DTNA: variants seen among roughly 807,000 people sequenced by gnomAD.
The protein encoded by DTNA is dystrophin-related protein 3.
Under a neutral mutation model 100.7 loss-of-function variants are expected in DTNA, and 43 were observed. The observed-to-expected ratio is 0.43, with a 90% CI of 0.33 to 0.55. The LOEUF (loss-of-function observed/expected upper bound fraction) is 0.55. Ranked by LOEUF, DTNA falls within the 20% of genes least tolerant of loss-of-function variation. DTNA has a pLI of 0.04. For synonymous variants in DTNA, 349 were observed against 347.9 expected (o/e 1.00, Z -0.04); for missense variants, 798 against 953.9 (o/e 0.84, Z 2.15).
At chr18:34,659,656 A>G (rs186772164) in intron 1 of DTNA, among the ~76,000 whole-genome samples, 2 of 151,364 alleles carry the variant, frequency 1.3e-5, no homozygotes, top group African/African-American at 4.9e-5. Context: ...ACACACACAC[A>G]CTCATTTAAC....
chr18:34,501,267 C>G (rs963675091), intron 1 of DTNA, among the ~76,000 whole-genome samples: 6 of 152,158 alleles, frequency 3.9e-5, no homozygotes, highest in African/African-American at 1.4e-4. Flanking sequence ...GTACATTGAT[C>G]AATTTTTAAC....
chr18:34,555,198 A>G (rs1250107074), intron 1 of DTNA, among the ~76,000 whole-genome samples: 3 of 139,912 alleles, frequency 2.1e-5, no homozygotes, highest in Non-Finnish European at 4.6e-5. Context: ...GGTAGTTTGT[A>G]TTTCTGTGGG....
intron 1 of DTNA, among the ~76,000 whole-genome samples, chr18:34,584,659 A>G (rs1260991206): frequency 6.6e-6 from 1 of 152,186 alleles, no homozygotes; most frequent in Admixed American, 6.5e-5. Context: ...AAAGTACATA[A>G]CAAAATTTCC....
chr18:34,868,304 A>C (rs2096729744), intron 17 of DTNA: 1 of 274,130 alleles, frequency 3.6e-6, no homozygotes, highest in Non-Finnish European at 5.6e-6. Flanking sequence ...AAAGGAAAAA[A>C]AGCAGTCATA....
At chr18:34,860,192 G>T (rs989224970) in intron 16 of DTNA, among the ~76,000 whole-genome samples, 1 of 149,574 alleles carries the variant, frequency 6.7e-6, no homozygotes, top group African/African-American at 2.5e-5. Flanking sequence ...GATTACAGGC[G>T]CGTGCCACCA....
At chr18:34,718,143 G>GT (rs1464675090) in intron 1 of DTNA, among the ~76,000 whole-genome samples, 2 of 152,070 alleles carry the variant, frequency 1.3e-5, no homozygotes, top group Non-Finnish European at 2.9e-5. Context: ...GAAACTGAGC[G>GT]TATCTTACAA....
chr18:34,589,114 G>A (rs1316336700), intron 1 of DTNA, among the ~76,000 whole-genome samples: 2 of 151,820 alleles, frequency 1.3e-5, no homozygotes, highest in African/African-American at 4.8e-5. Context: ...TATATAACAG[G>A]TGTCCATTTC....
intron 1 of DTNA, among the ~76,000 whole-genome samples, chr18:34,533,780 T>C (rs1442207252): frequency 6.6e-6 from 1 of 152,148 alleles, no homozygotes; most frequent in Non-Finnish European, 1.5e-5. Flanking sequence ...TATCCTGTTC[T>C]GGACACTATT....
chr18:34,829,849 T>C (rs968964517), intron 11 of DTNA, among the ~76,000 whole-genome samples: 66 of 152,208 alleles, frequency 4.3e-4, no homozygotes, highest in Non-Finnish European at 7.4e-5. Context: ...TGGAAAGATC[T>C]TTAGCATTAA....
chr18:34,816,124 C>G lies in DTNA; in HGVS notation c.709+110C>G, dbSNP rs548666699. On this transcript the variant is annotated intron_variant, in intron 7 of 22. Transcript: ENST00000444659. Reference sequence around the variant, plus strand: ...TGTTTTAGGGAAGCCTATTTAGTGGCTCTTAGTTTTGTTTAGGGTAGAACT... The same window carrying G: ...TGTTTTAGGGAAGCCTATTTAGTGGGTCTTAGTTTTGTTTAGGGTAGAACT... The G allele has an allele frequency of 4.4e-6, 5 of 1,126,596 alleles. No individual in the cohort carries two copies. The East Asian group carries it at 9.6e-5, about 22-fold the overall frequency. 69.8% of individuals were successfully genotyped at this position (1,126,596 alleles called of 1,614,324 possible).
chr18:34,691,922 G>A (rs1386552828), intron 1 of DTNA, among the ~76,000 whole-genome samples: 2 of 152,198 alleles, frequency 1.3e-5, no homozygotes, highest in Non-Finnish European at 2.9e-5. Flanking sequence ...TCATAGTTAT[G>A]TGTCCTATCT....
chr18:34,642,024 G>T (rs1274871056), intron 1 of DTNA, among the ~76,000 whole-genome samples: 2 of 152,148 alleles, frequency 1.3e-5, no homozygotes, highest in Non-Finnish European at 2.9e-5. Flanking sequence ...ACTATATTCA[G>T]AACTTGTTTA....
intron 3 of DTNA, among the ~76,000 whole-genome samples, chr18:34,774,984 C>A (rs1327276024): frequency 1.3e-4 from 20 of 152,230 alleles, no homozygotes; most frequent in Non-Finnish European, 2.9e-5. Context: ...CTACAAATGC[C>A]TAGTCCAAAA....
intron 1 of DTNA, among the ~76,000 whole-genome samples, chr18:34,701,869 AG>A (rs1235545908): frequency 6.6e-6 from 1 of 152,194 alleles, no homozygotes; most frequent in East Asian, 1.9e-4. Flanking sequence ...GTCAGCATCC[AG>A]TCCAGCATCA....
intron 1 of DTNA, among the ~76,000 whole-genome samples, chr18:34,545,740 TTAAA>T (rs2145832230): frequency 6.6e-6 from 1 of 152,220 alleles, no homozygotes; most frequent in East Asian, 1.9e-4. Flanking sequence ...ATTTAATTTC[TTAAA>T]TATTTTTATT....
chr18:34,517,535 T>C (rs1191499310), intron 1 of DTNA, among the ~76,000 whole-genome samples: 1 of 151,734 alleles, frequency 6.6e-6, no homozygotes, highest in Non-Finnish European at 1.5e-5. Flanking sequence ...TGTATAAATA[T>C]CACTAAAATC....
chr18:34,794,839 C>G (rs73412658), intron 4 of DTNA, among the ~76,000 whole-genome samples: 2,329 of 152,278 alleles, frequency 0.015, 58 homozygotes, highest in African/African-American at 0.052. Flanking sequence ...CAGAGAATTT[C>G]AGGGCTGGCT....
intron 1 of DTNA, among the ~76,000 whole-genome samples, chr18:34,695,759 A>G (rs2080444534): frequency 6.6e-6 from 1 of 152,206 alleles, no homozygotes; most frequent in African/African-American, 2.4e-5. Flanking sequence ...CCAGATCCTA[A>G]TGCCTTTGAA....
At chr18:34,642,279 G>T (rs1376709221) in intron 1 of DTNA, among the ~76,000 whole-genome samples, 1 of 152,172 alleles carries the variant, frequency 6.6e-6, no homozygotes, top group Non-Finnish European at 1.5e-5. Context: ...CCCCCTTAAA[G>T]GTTGCCCAAC....
Sources: gnomAD v4.1 joint callset for allele counts (sites outside exome capture counted in the v4.1 genomes callset) on GRCh38, gnomAD v4.1.1 for gene constraint, MANE v1.5 for transcripts, NCBI Gene and HGNC (gene_info 2026-07-23, HGNC 2026-07-21) for gene names.